ZYG11A: variants seen among roughly 807,000 people sequenced by gnomAD.
The protein encoded by ZYG11A is protein zyg-11 homolog A.
In ZYG11A, 62 loss-of-function variants were observed where a neutral mutation model predicts 77.2. The ratio of observed to expected loss-of-function variants is 0.80; its 90% confidence interval spans 0.65 to 0.99. ZYG11A has a LOEUF of 0.99. ZYG11A is among the 50% of genes least tolerant of loss of function. The pLI is 0.00. For missense variants in ZYG11A, 828 were observed against 896.8 expected (o/e 0.92, Z 0.98); for synonymous variants, 315 against 324.6 (o/e 0.97, Z 0.32).
At chr1:52,855,766 C>A (rs926697865) in intron 2 of ZYG11A, among the ~76,000 whole-genome samples, 3 of 152,142 alleles carry the variant, frequency 2.0e-5, no homozygotes, top group Non-Finnish European at 2.9e-5. Flanking sequence ...GTCGCATATT[C>A]TACTGTATGG....
rs1168116737 is a variant in ZYG11A, at chr1:52,854,569, G to A, written c.195G>A (p.Pro65=). 1.7e-5 allele frequency: 26 copies of A among 1,549,804 alleles called. No homozygotes were observed. Among genetic ancestry groups the A allele is most frequent in the Non-Finnish European group, 2.1e-5 (24 of 1,145,646 alleles). Residue 65 remains proline (P), a synonymous_variant, in exon 2 of 14, where the codon CCG becomes CCA. Transcript: ENST00000371528. ...SERPDGTLCL[P]EHWSFPQEVA... ...GACCTGATGGAACACTGTGCCTTCCGGAGCATTGGAGTTTCCCTCAGGAAG... is the reference window on the plus strand; with the variant it reads ...GACCTGATGGAACACTGTGCCTTCCAGAGCATTGGAGTTTCCCTCAGGAAG...
intron 13 of ZYG11A, among the ~76,000 whole-genome samples, chr1:52,890,565 G>A (rs1399154998): frequency 6.6e-6 from 1 of 151,150 alleles, no homozygotes. Context: ...TGCTGTTGGG[G>A]TCTACTGTCA....
In ZYG11A at chr1:52,857,151, C is replaced by T; in HGVS notation, c.410C>T (p.Ala137Val). Residue 137 changes from alanine to valine, a missense_variant, in exon 3 of 14, where the codon GCT becomes GTT. By Grantham distance (64) the Ala-to-Val change is moderately conservative. Transcript: ENST00000371528. Reference sequence around the variant, plus strand: ...GAACTGAATGCTACTGCAGTGCACGCTGACCTCCCAGTTCCAGACATCATA... The same window carrying T: ...GAACTGAATGCTACTGCAGTGCACGTTGACCTCCCAGTTCCAGACATCATA... ...LIELNATAVH[A>V]DLPVPDIISG... 6.4e-7 allele frequency: 1 copy of T among 1,551,964 alleles called. No individual in the cohort carries two copies. The highest frequency in any genetic ancestry group is 1.2e-5 in the South Asian group (1 of 84,064).
chr1:52,864,077 A>T lies in ZYG11A; in HGVS notation c.1246A>T (p.Lys416Ter). The change falls in exon 5 of 14, where the codon AAG (lysine) becomes TAG (stop). Residue 416 changes from lysine to a stop codon, truncating the protein, a stop_gained. Transcript: ENST00000371528. LOFTEE classifies it high-confidence loss of function. Reference protein sequence around the residue: ...ALNLTRQGLAKGMPVRLLSEV... With the variant: ...ALNLTRQGLA ...CAACCTAACACGCCAGGGCCTGGCC[A>T]AGGGGATGCCTGTTCGCCTGTTGTC... is the stretch of plus-strand genomic sequence containing the variant. 6.4e-7 allele frequency: 1 copy of T among 1,551,944 alleles called. No individual in the cohort carries two copies. Among genetic ancestry groups the T allele is most frequent in the Non-Finnish European group, 8.7e-7 (1 of 1,147,052 alleles).
At chr1:52,880,066 C>T (rs1571875267) in intron 10 of ZYG11A, among the ~76,000 whole-genome samples, 1 of 110,132 alleles carries the variant, frequency 9.1e-6, no homozygotes, top group Non-Finnish European at 1.8e-5. Flanking sequence ...ACCCAGCCCA[C>T]TTTTTTTTTT....
At chr1:52,892,570 G>C (rs1296938634) in intron 13 of ZYG11A, among the ~76,000 whole-genome samples, 1 of 151,838 alleles carries the variant, frequency 6.6e-6, no homozygotes, top group Non-Finnish European at 1.5e-5. Flanking sequence ...AGAGTTGTCT[G>C]GAAGTAAACA....
chr1:52,879,498 G>A (rs1158278741), intron 10 of ZYG11A, among the ~76,000 whole-genome samples: 2 of 152,052 alleles, frequency 1.3e-5, no homozygotes, highest in Non-Finnish European at 2.9e-5. Flanking sequence ...GATTAATACT[G>A]GAAATCTGGA....
In ZYG11A at chr1:52,842,783, C is replaced by T. The variant is rs117974148; in HGVS notation, c.-101C>T. 3 of 1,128,984 alleles carry T rather than the reference C, an allele frequency of 2.7e-6. No homozygotes were observed. Among genetic ancestry groups the T allele is most frequent in the East Asian group, 3.1e-5 (1 of 32,436 alleles). The allele number at this position is 1,128,984 out of a possible 1,614,324, so 69.9% of individuals were successfully genotyped here. On this transcript the variant is annotated 5_prime_UTR_variant, in exon 1 of 14. Coordinates refer to ENST00000371528, the MANE Select transcript of ZYG11A (RefSeq NM_001004339.3). ...GCGCTAGCTCCGTGTGCCTCGCAGGCGTGGTGGGCGCGTCCTGGCAGCCGC... is the reference window on the plus strand; with the variant it reads ...GCGCTAGCTCCGTGTGCCTCGCAGGTGTGGTGGGCGCGTCCTGGCAGCCGC...
chr1:52,893,065 G>A lies in ZYG11A; in HGVS notation c.*108G>A. The A allele has an allele frequency of 1.0e-6, 1 of 973,834 alleles. No homozygotes were observed. The highest frequency in any genetic ancestry group is 2.6e-5 in the East Asian group (1 of 37,744). The allele number at this position is 973,834 out of a possible 1,614,324, so 60.3% of individuals were successfully genotyped here. A position where few individuals can be genotyped will look rare whatever the true frequency, so the allele number is the denominator to read the frequency against. ...GAGTTTGTGAGTTGGCTGTCTCATT[G>A]GCCTTTGATTGTTGATTTTATATAT... On this transcript the variant is annotated 3_prime_UTR_variant, in exon 14 of 14. Coordinates refer to ENST00000371528, the MANE Select transcript of ZYG11A (RefSeq NM_001004339.3).
At chr1:52,844,082 A>T (rs1230966045) in intron 1 of ZYG11A, among the ~76,000 whole-genome samples, 1 of 152,116 alleles carries the variant, frequency 6.6e-6, no homozygotes, top group East Asian at 1.9e-4. Context: ...GAGCTCTGAA[A>T]TTTAGTTGAC....
Position 52,864,193 on chromosome 1 carries a change from G to T in ZYG11A, c.1326+36G>T, listed in dbSNP as rs754146390. On this transcript the variant is annotated intron_variant, in intron 5 of 13. Coordinates refer to ENST00000371528, the MANE Select transcript of ZYG11A (RefSeq NM_001004339.3). Reference sequence around the variant, plus strand: ...TTGAATATTTGTTTGTGCTTTTTTTGTTGTTGTTAATAGTCTCAGCTCTGT... The same window carrying T: ...TTGAATATTTGTTTGTGCTTTTTTTTTTGTTGTTAATAGTCTCAGCTCTGT... 3.4e-5 allele frequency: 53 copies of T among 1,542,412 alleles called. No individual in the cohort carries two copies. The Middle Eastern group carries it at 6.7e-4, about 19-fold the overall frequency.
intron 1 of ZYG11A, among the ~76,000 whole-genome samples, chr1:52,847,092 CTGT>C (rs1645601463): frequency 6.7e-6 from 1 of 149,878 alleles, no homozygotes; most frequent in Admixed American, 6.7e-5. Flanking sequence ...AGGTGTTTCG[CTGT>C]TGTTGCCCAG....
At chr1:52,872,742 G>C (rs1238158059) in intron 8 of ZYG11A, among the ~76,000 whole-genome samples, 1 of 151,052 alleles carries the variant, frequency 6.6e-6, no homozygotes, top group African/African-American at 2.4e-5. Flanking sequence ...AATTAGCCCG[G>C]CATGGTGGCA....
intron 8 of ZYG11A, among the ~76,000 whole-genome samples, chr1:52,871,402 A>T (rs115575701): frequency 6.6e-6 from 1 of 151,440 alleles, no homozygotes; most frequent in Non-Finnish European, 1.5e-5. Context: ...TGCACTGTTT[A>T]TGCTACCTTT....
chr1:52,891,536 T>C (rs1646543583), intron 13 of ZYG11A, among the ~76,000 whole-genome samples: 1 of 151,918 alleles, frequency 6.6e-6, no homozygotes, highest in Admixed American at 6.5e-5. Flanking sequence ...CTCAGCAATA[T>C]TCAGGTAGTG....
chr1:52,885,806 G>A (rs1420000604), intron 11 of ZYG11A, 27 bp from the exon 12 acceptor site: 92 of 1,486,996 alleles, frequency 6.2e-5, no homozygotes, highest in Middle Eastern at 5.2e-4. Context: ...TTCAAATGTT[G>A]GTTTCTCTCT....
At chr1:52,843,576 C>A (rs1171971299) in intron 1 of ZYG11A, among the ~76,000 whole-genome samples, 2 of 152,226 alleles carry the variant, frequency 1.3e-5, no homozygotes, top group Non-Finnish European at 2.9e-5. Flanking sequence ...CCCGTCCCGT[C>A]CCCAGCCTTT....
chr1:52,880,247 A>G (rs1441396529), intron 10 of ZYG11A, among the ~76,000 whole-genome samples: 1 of 152,018 alleles, frequency 6.6e-6, no homozygotes, highest in Non-Finnish European at 1.5e-5. Context: ...TGGGAAAAAC[A>G]GGCGTGGGGG....
At chr1:52,877,359 T>C (rs1329184655) in intron 8 of ZYG11A, among the ~76,000 whole-genome samples, 4 of 152,194 alleles carry the variant, frequency 2.6e-5, no homozygotes, top group African/African-American at 9.6e-5. Flanking sequence ...CTTTTTTCTT[T>C]CTTTTGTACT....
Sources: gnomAD v4.1 joint callset for allele counts (sites outside exome capture counted in the v4.1 genomes callset) on GRCh38, gnomAD v4.1.1 for gene constraint, MANE v1.5 for transcripts, NCBI Gene and HGNC (gene_info 2026-07-23, HGNC 2026-07-21) for gene names.